SORCS2: variants seen among roughly 807,000 people sequenced by gnomAD.
The protein encoded by SORCS2 is sortilin related VPS10 domain containing receptor 2.
A neutral mutation model predicts 141.6 loss-of-function variants in SORCS2; 100 were observed. That is an observed-to-expected ratio of 0.71 (90% confidence interval 0.60 to 0.83). The LOEUF (loss-of-function observed/expected upper bound fraction) is 0.83. Ranked by LOEUF, SORCS2 falls within the 40% of genes least tolerant of loss-of-function variation. The pLI is 0.00. For missense variants in SORCS2, 1,646 were observed against 1,560.2 expected (o/e 1.05, Z -0.93); for synonymous variants, 789 against 676.9 (o/e 1.17, Z -2.57).
intron 2 of SORCS2, among the ~76,000 whole-genome samples, chr4:7,404,215 T>C (rs1173415568): frequency 6.6e-6 from 1 of 152,064 alleles, no homozygotes; most frequent in Non-Finnish European, 1.5e-5. Flanking sequence ...ATTGTGTATA[T>C]ACGCCACATT....
intron 1 of SORCS2, among the ~76,000 whole-genome samples, chr4:7,340,797 T>A (rs1720326026): frequency 6.6e-6 from 1 of 152,186 alleles, no homozygotes; most frequent in Non-Finnish European, 1.5e-5. Context: ...CCTATTCCCA[T>A]CCTGCGCTTG....
chr4:7,538,431 C>A (rs1419008956), intron 3 of SORCS2, among the ~76,000 whole-genome samples: 1 of 152,190 alleles, frequency 6.6e-6, no homozygotes, highest in Non-Finnish European at 1.5e-5. Flanking sequence ...TCCCACTTGG[C>A]CCCAGGAGCC....
At chr4:7,512,167 G>T (rs764532337) in intron 2 of SORCS2, among the ~76,000 whole-genome samples, 1 of 152,036 alleles carries the variant, frequency 6.6e-6, no homozygotes, top group South Asian at 2.1e-4. Flanking sequence ...TTCTCCAGGC[G>T]GTGTCGTTAA....
At chr4:7,708,684 A>G (rs1353770906) in intron 14 of SORCS2, among the ~76,000 whole-genome samples, 2 of 152,176 alleles carry the variant, frequency 1.3e-5, no homozygotes, top group Non-Finnish European at 2.9e-5. Flanking sequence ...ACGCAGCTTT[A>G]GTGAGCGCCC....
intron 3 of SORCS2, among the ~76,000 whole-genome samples, chr4:7,577,580 C>T (rs966370447): frequency 4.3e-5 from 6 of 139,226 alleles, no homozygotes; most frequent in Admixed American, 3.8e-4. Flanking sequence ...ATATAGCATA[C>T]AGGCGAAGTC....
intron 2 of SORCS2, among the ~76,000 whole-genome samples, chr4:7,485,019 C>A (rs187223727): frequency 6.6e-6 from 1 of 152,378 alleles, no homozygotes; most frequent in East Asian, 1.9e-4. Flanking sequence ...TCCTGCAGGG[C>A]AGACTGTCTG....
In SORCS2 at chr4:7,446,862, G is replaced by A. The variant is rs115592641; in HGVS notation, c.548+50507G>A. 5.5e-3 allele frequency among the ~76,000 whole-genome samples: 843 copies of A among 152,344 alleles called. 14 individuals are homozygous for A. Among genetic ancestry groups the A allele is most frequent in the African/African-American group, 0.019 (782 of 41,576 alleles). On this transcript the variant is annotated intron_variant, in intron 2 of 26. Coordinates refer to ENST00000507866, the MANE Select transcript of SORCS2 (RefSeq NM_020777.3). ...GAGAAACCACTAAGCCATTGTGAAT[G>A]TCAAGTCTGCAGGGTTAGCCCCATT...
At chr4:7,515,162 G>C (rs1732894038) in intron 2 of SORCS2, among the ~76,000 whole-genome samples, 1 of 152,184 alleles carries the variant, frequency 6.6e-6, no homozygotes, top group East Asian at 1.9e-4. Context: ...ATAACTCTGA[G>C]TGGGAGGCGT....
At chr4:7,402,049 C>T (rs971730698) in intron 2 of SORCS2, among the ~76,000 whole-genome samples, 2 of 152,126 alleles carry the variant, frequency 1.3e-5, no homozygotes, top group Admixed American at 6.5e-5. Flanking sequence ...AATTTGGGGT[C>T]GCATGATTAG....
At chr4:7,507,454 G>T (rs1264126292) in intron 2 of SORCS2, among the ~76,000 whole-genome samples, 1 of 152,198 alleles carries the variant, frequency 6.6e-6, no homozygotes, top group African/African-American at 2.4e-5. Context: ...GATTACAGGC[G>T]TGAGCCACTG....
intron 1 of SORCS2, among the ~76,000 whole-genome samples, chr4:7,333,600 C>G (rs1356313722): frequency 6.6e-6 from 1 of 152,132 alleles, no homozygotes; most frequent in Non-Finnish European, 1.5e-5. Flanking sequence ...TCGTCGTCCA[C>G]CTCCCTGCCT....
chr4:7,248,986 A>G (rs1713307940), intron 1 of SORCS2, among the ~76,000 whole-genome samples: 1 of 152,180 alleles, frequency 6.6e-6, no homozygotes. Flanking sequence ...TTTTACTGTA[A>G]GTCAGTTTGG....
intron 3 of SORCS2, among the ~76,000 whole-genome samples, chr4:7,636,007 AT>A (rs1474594628): frequency 7.2e-5 from 11 of 152,328 alleles, no homozygotes; most frequent in African/African-American, 2.6e-4. Context: ...CATGAGCTTA[AT>A]TGTCTTCTGG....
At chr4:7,429,209 C>T (rs533394292) in intron 2 of SORCS2, among the ~76,000 whole-genome samples, 7 of 152,264 alleles carry the variant, frequency 4.6e-5, no homozygotes, top group South Asian at 4.1e-4. Context: ...TGTGACATCA[C>T]GATGTCCCTG....
intron 5 of SORCS2, among the ~76,000 whole-genome samples, chr4:7,658,520 AT>A (rs1721949463): frequency 6.6e-6 from 1 of 151,884 alleles, no homozygotes; most frequent in Non-Finnish European, 1.5e-5. Flanking sequence ...GAGCTTACAA[AT>A]GGTCTATTCA....
chr4:7,192,570 C>A lies in SORCS2; in HGVS notation c.-77C>A, dbSNP rs1294711324. ...CTGCGCTCTCGCTCGCGCTCCCCAG[C>A]GCCCTCCTGCTCTCCCGGCCGCGGT... On this transcript the variant is annotated 5_prime_UTR_variant, in exon 1 of 27. Coordinates refer to ENST00000507866, the MANE Select transcript of SORCS2 (RefSeq NM_020777.3). This position sits in a 1 kb window ranked among gnomAD's most constrained non-coding sequence, Gnocchi z 4.0. 4 of 981,162 alleles carry A rather than the reference C, an allele frequency of 4.1e-6. No individual in the cohort carries two copies. The highest frequency in any genetic ancestry group is 3.5e-5 in the African/African-American group (2 of 56,882). The allele number at this position is 981,162 out of a possible 1,614,324, so 60.8% of individuals were successfully genotyped here.
intron 1 of SORCS2, among the ~76,000 whole-genome samples, chr4:7,369,528 T>C (rs1577456103): frequency 6.6e-6 from 1 of 152,298 alleles, no homozygotes; most frequent in Non-Finnish European, 1.5e-5. Flanking sequence ...CCACACAGGC[T>C]CCAGAGGCTT....
intron 1 of SORCS2, among the ~76,000 whole-genome samples, chr4:7,326,986 G>A (rs758394604): frequency 5.9e-5 from 9 of 152,224 alleles, no homozygotes; most frequent in Non-Finnish European, 1.2e-4. Flanking sequence ...GGGCCTCCGG[G>A]CCTCCACCCC....
chr4:7,633,928 G>A (rs1309912392), intron 3 of SORCS2, among the ~76,000 whole-genome samples: 1 of 121,604 alleles, frequency 8.2e-6, no homozygotes, highest in Admixed American at 9.0e-5. Context: ...CATGGAAAAA[G>A]TGCTTTAATG....
Sources: allele counts gnomAD v4.1 joint callset (sites outside exome capture counted in the v4.1 genomes callset), GRCh38; gene constraint gnomAD v4.1.1; non-coding constraint Gnocchi (gnomAD v3.1); transcripts MANE v1.5; gene names NCBI Gene and HGNC (gene_info 2026-07-23, HGNC 2026-07-21).